NTM: variants seen among roughly 807,000 people sequenced by gnomAD.
NTM encodes neurotrimin, also known as IgLON family member 2.
NTM carries 13 observed loss-of-function variants against 42.1 expected under a neutral mutation model. The observed-to-expected ratio is 0.31, with a 90% CI of 0.20 to 0.49. The LOEUF is 0.49. Among genes scored for constraint, NTM ranks in the 20% least tolerant of loss-of-function variants. The pLI is 0.99. For synonymous variants in NTM, 187 were observed against 179.2 expected (o/e 1.04, Z -0.35); for missense variants, 373 against 452.8 (o/e 0.82, Z 1.60).
intron 1 of NTM, among the ~76,000 whole-genome samples, chr11:131,583,537 G>A (rs2058599183): frequency 6.6e-6 from 1 of 152,180 alleles, no homozygotes; most frequent in South Asian, 2.1e-4. Flanking sequence ...GTGCAATTCA[G>A]AAGAGTAATC....
At chr11:132,221,703 G>C (rs188699282) in intron 4 of NTM, among the ~76,000 whole-genome samples, 1 of 152,182 alleles carries the variant, frequency 6.6e-6, no homozygotes, top group African/African-American at 2.4e-5. Flanking sequence ...GTGTAAATGT[G>C]CTCTGTGCCC....
chr11:131,604,402 A>G (rs1434779721), intron 1 of NTM, among the ~76,000 whole-genome samples: 1 of 152,094 alleles, frequency 6.6e-6, no homozygotes, highest in Non-Finnish European at 1.5e-5. Context: ...GAGTTGTAAG[A>G]GTTCTTCATA....
At chr11:132,247,364 T>C (rs2091327279) in intron 4 of NTM, among the ~76,000 whole-genome samples, 1 of 152,226 alleles carries the variant, frequency 6.6e-6, no homozygotes, top group South Asian at 2.1e-4. Context: ...AAAACCGGCT[T>C]AGGCCTCTGT....
chr11:131,655,646 G>C (rs1402173254), intron 1 of NTM, among the ~76,000 whole-genome samples: 1 of 152,230 alleles, frequency 6.6e-6, no homozygotes, highest in Non-Finnish European at 1.5e-5. Context: ...CCACTCAGAA[G>C]TGGTGGAGAA....
chr11:131,825,241 C>T (rs898539349), intron 1 of NTM, among the ~76,000 whole-genome samples: 1 of 152,124 alleles, frequency 6.6e-6, no homozygotes, highest in African/African-American at 2.4e-5. Context: ...CATAAAGACA[C>T]CAGTCATGTT....
chr11:131,905,441 T>C (rs1427454285), intron 1 of NTM, among the ~76,000 whole-genome samples: 4 of 152,182 alleles, frequency 2.6e-5, no homozygotes, highest in African/African-American at 9.6e-5. Context: ...CAAAGAAGTT[T>C]CTGCTCATGC....
intron 2 of NTM, among the ~76,000 whole-genome samples, chr11:131,983,750 A>G (rs77272650): frequency 0.016 from 2,479 of 151,364 alleles, 70 homozygotes; most frequent in African/African-American, 0.057. Flanking sequence ...TTGCTCACTC[A>G]ACAATCTACA....
intron 1 of NTM, among the ~76,000 whole-genome samples, chr11:131,707,468 A>G (rs1046576425): frequency 6.6e-6 from 1 of 152,130 alleles, no homozygotes; most frequent in Non-Finnish European, 1.5e-5. Context: ...GATTGCAGGT[A>G]TCTCTTCAAT....
At chr11:131,834,650 A>ATATATAT (rs1406461967) in intron 1 of NTM, among the ~76,000 whole-genome samples, 2 of 147,474 alleles carry the variant, frequency 1.4e-5, no homozygotes, top group South Asian at 2.1e-4. Flanking sequence ...ATATATGTAT[A>ATATATAT]ATCTTCACAG....
At chr11:131,859,365 G>A (rs947678837) in intron 1 of NTM, among the ~76,000 whole-genome samples, 2 of 152,188 alleles carry the variant, frequency 1.3e-5, no homozygotes, top group African/African-American at 2.4e-5. Context: ...AGCTAATAAA[G>A]ACCTTGGTAC....
chr11:131,850,986 T>C (rs1164570407), intron 1 of NTM, among the ~76,000 whole-genome samples: 1 of 152,156 alleles, frequency 6.6e-6, no homozygotes, highest in African/African-American at 2.4e-5. Flanking sequence ...ACATCATTCC[T>C]ACCACTGCCG....
chr11:131,869,317 C>G (rs1018840254), intron 1 of NTM, among the ~76,000 whole-genome samples: 48 of 151,032 alleles, frequency 3.2e-4, no homozygotes, highest in Non-Finnish European at 6.0e-4. Context: ...ACCATTGTTT[C>G]AGAGGAGGAG....
intron 1 of NTM, among the ~76,000 whole-genome samples, chr11:131,425,369 C>T (rs1303921017): frequency 6.6e-6 from 1 of 152,186 alleles, no homozygotes; most frequent in African/African-American, 2.4e-5. Context: ...AACAGTTTGG[C>T]TTCAGGTGCC....
intron 1 of NTM, among the ~76,000 whole-genome samples, chr11:131,797,582 A>C (rs974581835): frequency 2.6e-5 from 4 of 152,196 alleles, no homozygotes; most frequent in African/African-American, 9.7e-5. Flanking sequence ...TTTGCTGATG[A>C]AGGCAAGAAT....
intron 2 of NTM, among the ~76,000 whole-genome samples, chr11:131,949,891 A>G (rs1239129637): frequency 7.1e-6 from 1 of 141,700 alleles, no homozygotes; most frequent in Non-Finnish European, 1.6e-5. Flanking sequence ...AGACTCTCCT[A>G]GCTACTCACA....
At chr11:132,217,534 G>C (rs1319911231) in intron 4 of NTM, among the ~76,000 whole-genome samples, 1 of 151,924 alleles carries the variant, frequency 6.6e-6, no homozygotes, top group Non-Finnish European at 1.5e-5. Context: ...GTGATATAAA[G>C]ACCCTGGGGG....
chr11:131,629,752 G>A (rs1004519289), intron 1 of NTM, among the ~76,000 whole-genome samples: 3 of 152,146 alleles, frequency 2.0e-5, no homozygotes, highest in African/African-American at 7.2e-5. Flanking sequence ...ACTCACACTT[G>A]GTGTGTAAGG....
At chr11:132,032,466 A>T (rs2076048073) in intron 2 of NTM, among the ~76,000 whole-genome samples, 1 of 152,128 alleles carries the variant, frequency 6.6e-6, no homozygotes, top group South Asian at 2.1e-4. Flanking sequence ...AGTATTTCCA[A>T]CTACATGTAG....
chr11:132,093,870 C>T (rs534694722), intron 2 of NTM, among the ~76,000 whole-genome samples: 1 of 152,234 alleles, frequency 6.6e-6, no homozygotes, highest in Admixed American at 6.5e-5. Flanking sequence ...AAAAGAAAAA[C>T]TTTAGCTGAA....
Sources: gnomAD v4.1 joint callset for allele counts (sites outside exome capture counted in the v4.1 genomes callset) on GRCh38, gnomAD v4.1.1 for gene constraint, MANE v1.5 for transcripts, NCBI Gene and HGNC (gene_info 2026-07-23, HGNC 2026-07-21) for gene names.